TMEM131L: variants seen among roughly 807,000 people sequenced by gnomAD.
The protein encoded by TMEM131L is transmembrane 131 like.
A neutral mutation model predicts 192.2 loss-of-function variants in TMEM131L; 54 were observed. That is an observed-to-expected ratio of 0.28 (90% CI 0.23 to 0.35). TMEM131L has a LOEUF of 0.35. TMEM131L is among the 10% of genes least tolerant of loss of function. The probability of loss-of-function intolerance (pLI) is 1.00; values close to 1 mark genes in which losing one functional copy is unlikely to be tolerated. For synonymous variants in TMEM131L, 701 were observed against 704.9 expected (o/e 0.99, Z 0.09); for missense variants, 1,888 against 1,972.9 (o/e 0.96, Z 0.82).
At chr4:153,588,826 C>A in intron 15 of TMEM131L, 64 bp from the exon 16 acceptor site, 2 of 860,812 alleles carry the variant, frequency 2.3e-6, no homozygotes, top group Non-Finnish European at 3.9e-6. Flanking sequence ...AAGCCCTTGG[C>A]ATTATTTACT....
chr4:153,561,524 C>CT (rs1429625980), intron 7 of TMEM131L, among the ~76,000 whole-genome samples: 25 of 152,300 alleles, frequency 1.6e-4, no homozygotes, highest in Non-Finnish European at 3.1e-4. Flanking sequence ...CCCATCCTCA[C>CT]TTTAAGTTTT....
At chr4:153,598,468 C>G in intron 20 of TMEM131L, 122 bp from the exon 21 acceptor site, 1 of 882,964 alleles carries the variant, frequency 1.1e-6, no homozygotes, top group South Asian at 1.8e-5. Context: ...AATTGATTTT[C>G]TTTTTTAAAA....
intron 3 of TMEM131L, among the ~76,000 whole-genome samples, chr4:153,476,301 G>T (rs1326697744): frequency 6.6e-6 from 1 of 152,126 alleles, no homozygotes; most frequent in Admixed American, 6.6e-5. Context: ...TTAATATTTA[G>T]ACCTATGGTC....
At chr4:153,619,356 A>G (rs761895149) in intron 26 of TMEM131L, among the ~76,000 whole-genome samples, 3 of 152,226 alleles carry the variant, frequency 2.0e-5, no homozygotes, top group African/African-American at 4.8e-5. Flanking sequence ...AATGTGGTGC[A>G]TGTCTGTTTA....
At chr4:153,519,176 G>A (rs1343553621) in intron 3 of TMEM131L, among the ~76,000 whole-genome samples, 2 of 152,150 alleles carry the variant, frequency 1.3e-5, no homozygotes, top group East Asian at 3.8e-4. Flanking sequence ...AGGGGGTGTA[G>A]GCTGTGTGGG....
chr4:153,596,836 T>C (rs1349109529), intron 20 of TMEM131L, among the ~76,000 whole-genome samples: 5 of 152,384 alleles, frequency 3.3e-5, no homozygotes, highest in African/African-American at 4.8e-5. Flanking sequence ...AGGTGTTTCA[T>C]TGAGCCCATT....
intron 26 of TMEM131L, among the ~76,000 whole-genome samples, chr4:153,619,379 G>C (rs902561816): frequency 2.0e-5 from 3 of 152,194 alleles, no homozygotes; most frequent in Admixed American, 6.5e-5. Context: ...ATTAAATCCC[G>C]AGTCTGCATA....
intron 30 of TMEM131L, 73 bp downstream of exon 30, chr4:153,626,298 C>A (rs981835766): frequency 2.1e-6 from 2 of 966,046 alleles, no homozygotes; most frequent in African/African-American, 3.3e-5. Flanking sequence ...TGTGTTTCTT[C>A]TTTGTACTTG....
intron 3 of TMEM131L, among the ~76,000 whole-genome samples, chr4:153,533,462 C>G (rs1466782680): frequency 2.0e-5 from 3 of 152,150 alleles, no homozygotes; most frequent in African/African-American, 7.2e-5. Context: ...ATAAATTACT[C>G]TAGGTTTTGA....
At chr4:153,539,670 C>T (rs937297913) in intron 3 of TMEM131L, among the ~76,000 whole-genome samples, 3 of 151,926 alleles carry the variant, frequency 2.0e-5, no homozygotes, top group Admixed American at 6.6e-5. Context: ...TCCCTTGCTC[C>T]TGCCGGCTCC....
intron 4 of TMEM131L, among the ~76,000 whole-genome samples, chr4:153,552,380 C>T (rs1256274151): frequency 2.0e-5 from 3 of 152,088 alleles, no homozygotes; most frequent in East Asian, 3.8e-4. Context: ...TCTTCAGTAA[C>T]GTAAAAAAAT....
At chr4:153,537,897 C>T (rs1260522849) in intron 3 of TMEM131L, among the ~76,000 whole-genome samples, 1 of 152,190 alleles carries the variant, frequency 6.6e-6, no homozygotes, top group East Asian at 1.9e-4. Flanking sequence ...CTGATGGACT[C>T]CTTTCTCCCT....
At chr4:153,510,356 C>A (rs890606927) in intron 3 of TMEM131L, among the ~76,000 whole-genome samples, 2 of 152,264 alleles carry the variant, frequency 1.3e-5, no homozygotes, top group Non-Finnish European at 2.9e-5. Context: ...TTAATCAGTT[C>A]TAACACTGAC....
intron 31 of TMEM131L, among the ~76,000 whole-genome samples, chr4:153,628,644 C>T (rs1734008882): frequency 7.4e-6 from 1 of 134,566 alleles, no homozygotes; most frequent in Non-Finnish European, 1.5e-5. Flanking sequence ...TAAGTGTTTT[C>T]AATTAAAAAA....
chr4:153,469,514 G>T (rs1041192486), intron 2 of TMEM131L, among the ~76,000 whole-genome samples: 2 of 152,144 alleles, frequency 1.3e-5, no homozygotes, highest in African/African-American at 2.4e-5. Flanking sequence ...AAATTTGAGG[G>T]TTTTCTGCTT....
intron 3 of TMEM131L, among the ~76,000 whole-genome samples, chr4:153,544,625 C>T (rs1225755431): frequency 6.6e-6 from 1 of 152,248 alleles, no homozygotes; most frequent in East Asian, 1.9e-4. Flanking sequence ...ATGCTATCTT[C>T]ACTCCTGCCA....
intron 25 of TMEM131L, among the ~76,000 whole-genome samples, chr4:153,605,843 G>A (rs1449799585): frequency 6.6e-6 from 1 of 152,224 alleles, no homozygotes; most frequent in African/African-American, 2.4e-5. Context: ...AATTTTAAAT[G>A]TTCTGTATAA....
Position 153,598,664 on chromosome 4 carries a change from G to A in TMEM131L, c.2198G>A (p.Arg733Lys), listed in dbSNP as rs374682052. 4 of 1,613,904 alleles carry A rather than the reference G, an allele frequency of 2.5e-6. No homozygotes were observed. The Admixed American group carries it at 5.0e-5, about 20-fold the overall frequency. The change falls in exon 21 of 35, where the codon AGA (arginine) becomes AAA (lysine). Residue 733 changes from arginine (R) to lysine (K), a missense_variant. By Grantham distance (26) the Arg-to-Lys change is conservative. Transcript: ENST00000409959. ...GARELLKVGG[R>K]LPGAGGSLRF... ...AGAGAGTTATTAAAAGTGGGTGGAA[G>A]ACTTCCTGGTGCAGGAGGCTCACTC...
At chr4:153,500,002 C>G (rs764291236) in intron 3 of TMEM131L, among the ~76,000 whole-genome samples, 15 of 151,920 alleles carry the variant, frequency 9.9e-5, no homozygotes, top group Non-Finnish European at 2.1e-4. Flanking sequence ...GTTTTTCAGT[C>G]AGTCCTAATG....
Sources: gnomAD v4.1 joint callset for allele counts (sites outside exome capture counted in the v4.1 genomes callset) on GRCh38, gnomAD v4.1.1 for gene constraint, MANE v1.5 for transcripts, NCBI Gene and HGNC (gene_info 2026-07-23, HGNC 2026-07-21) for gene names.